The following CDH13 variants were observed in gnomAD, a reference collection of about 807,000 sequenced individuals.
The protein encoded by CDH13 is cadherin-13.
Under a neutral mutation model 63.8 loss-of-function variants are expected in CDH13, and 24 were observed. The observed-to-expected ratio is 0.38, with a 90% confidence interval of 0.27 to 0.53. The LOEUF is 0.53. Ranked by LOEUF, CDH13 falls within the 20% of genes least tolerant of loss-of-function variation. The pLI, the probability that CDH13 is intolerant of heterozygous loss-of-function variation, is 0.85. For synonymous variants in CDH13, 503 were observed against 355.3 expected (o/e 1.42, Z -4.67); for missense variants, 1,049 against 903.1 (o/e 1.16, Z -2.07).
intron 5 of CDH13, among the ~76,000 whole-genome samples, chr16:83,261,617 A>G (rs574627102): frequency 2.0e-5 from 3 of 152,102 alleles, no homozygotes; most frequent in African/African-American, 7.2e-5. Flanking sequence ...CATGACAAAG[A>G]AATTATCCAG....
At chr16:83,644,032 G>A (rs867139692) in intron 8 of CDH13, among the ~76,000 whole-genome samples, 7 of 152,202 alleles carry the variant, frequency 4.6e-5, no homozygotes, top group Non-Finnish European at 8.8e-5. Flanking sequence ...GCAGCTAGAA[G>A]CAGAGCCTAT....
chr16:83,026,625 C>A (rs902732576), intron 2 of CDH13, among the ~76,000 whole-genome samples: 1 of 151,758 alleles, frequency 6.6e-6, no homozygotes, highest in Non-Finnish European at 1.5e-5. Flanking sequence ...TTAAAAGAGC[C>A]CTTAGGGGAG....
chr16:83,706,093 A>C (rs1345342757), intron 10 of CDH13, among the ~76,000 whole-genome samples: 1 of 152,178 alleles, frequency 6.6e-6, no homozygotes, highest in East Asian at 1.9e-4. Flanking sequence ...CTGAGGCCTT[A>C]GCTGGAATCC....
intron 1 of CDH13, among the ~76,000 whole-genome samples, chr16:82,811,602 G>A (rs924629229): frequency 6.6e-6 from 1 of 152,122 alleles, no homozygotes; most frequent in Admixed American, 6.6e-5. Context: ...CATTGAAAGA[G>A]CCTCTGAACT....
chr16:83,302,521 C>T (rs1315535613), intron 5 of CDH13, among the ~76,000 whole-genome samples: 1 of 152,156 alleles, frequency 6.6e-6, no homozygotes, highest in Non-Finnish European at 1.5e-5. Context: ...TCATGAAAGT[C>T]ACAACATAAA....
At chr16:82,829,946 A>C (rs1567577978) in intron 1 of CDH13, among the ~76,000 whole-genome samples, 1 of 152,224 alleles carries the variant, frequency 6.6e-6, no homozygotes, top group Non-Finnish European at 1.5e-5. Flanking sequence ...TGTTAGGAAA[A>C]TAGTAATAAA....
intron 7 of CDH13, among the ~76,000 whole-genome samples, chr16:83,549,471 C>T (rs1486854381): frequency 2.6e-5 from 4 of 152,132 alleles, no homozygotes; most frequent in Admixed American, 6.5e-5. Flanking sequence ...CTCAGGCTGC[C>T]TGCTGCCGGT....
At chr16:83,540,191 A>C (rs1459846991) in intron 7 of CDH13, among the ~76,000 whole-genome samples, 1 of 151,330 alleles carries the variant, frequency 6.6e-6, no homozygotes, top group Admixed American at 6.6e-5. Flanking sequence ...CAGCCTCCCG[A>C]GTAGCTGGTG....
intron 1 of CDH13, among the ~76,000 whole-genome samples, chr16:82,843,367 A>T (rs529648607): frequency 5.8e-4 from 88 of 152,348 alleles, no homozygotes; most frequent in African/African-American, 2.1e-3. Flanking sequence ...CAGGATGGTC[A>T]AATGTTTGTA....
intron 11 of CDH13, among the ~76,000 whole-genome samples, chr16:83,761,999 A>G (rs538449022): frequency 6.6e-6 from 1 of 152,296 alleles, no homozygotes; most frequent in Non-Finnish European, 1.5e-5. Flanking sequence ...CCTGGGAGGC[A>G]GAGGTTGCAG....
At chr16:83,359,995 C>T (rs1183813574) in intron 6 of CDH13, among the ~76,000 whole-genome samples, 1 of 152,184 alleles carries the variant, frequency 6.6e-6, no homozygotes, top group African/African-American at 2.4e-5. Context: ...TATAAATTTG[C>T]CTTGCTGGGC....
chr16:83,393,245 C>G (rs908538860), intron 6 of CDH13, among the ~76,000 whole-genome samples: 1 of 152,042 alleles, frequency 6.6e-6, no homozygotes, highest in East Asian at 1.9e-4. Flanking sequence ...AGGCATTTGG[C>G]TCTGCACTGG....
intron 3 of CDH13, among the ~76,000 whole-genome samples, chr16:83,119,019 C>G (rs541262541): frequency 1.3e-5 from 2 of 152,270 alleles, no homozygotes; most frequent in Non-Finnish European, 2.9e-5. Flanking sequence ...TGCCAGAGTC[C>G]TCACTGTCCA....
chr16:82,801,010 T>C (rs991729259), intron 1 of CDH13, among the ~76,000 whole-genome samples: 1 of 152,246 alleles, frequency 6.6e-6, no homozygotes, highest in Admixed American at 6.5e-5. Context: ...CATTAAGTTC[T>C]TGTCTGTGAC....
At chr16:83,137,151 G>A (rs1004626987) in intron 4 of CDH13, among the ~76,000 whole-genome samples, 5 of 152,154 alleles carry the variant, frequency 3.3e-5, no homozygotes, top group African/African-American at 1.2e-4. Flanking sequence ...TGTTCACCCC[G>A]GGTTGCAGCT....
chr16:83,373,771 C>A (rs12597491), intron 6 of CDH13, among the ~76,000 whole-genome samples: 20,720 of 152,114 alleles, frequency 0.14, 2,072 homozygotes, highest in African/African-American at 0.28. Context: ...AATACTTCAC[C>A]TCCTTGAGAC....
At chr16:83,029,091 G>T (rs117204468) in intron 2 of CDH13, among the ~76,000 whole-genome samples, 4,670 of 152,284 alleles carry the variant, frequency 0.031, 96 homozygotes, top group Non-Finnish European at 0.044. Flanking sequence ...GATTAACTAA[G>T]GTGATGTGTG....
At chr16:83,549,490 G>A (rs2075450728) in intron 7 of CDH13, among the ~76,000 whole-genome samples, 1 of 152,298 alleles carries the variant, frequency 6.6e-6, no homozygotes, top group Middle Eastern at 3.4e-3. Context: ...GTTGCAGGCT[G>A]CCATATGCTT....
intron 5 of CDH13, among the ~76,000 whole-genome samples, chr16:83,236,874 T>G (rs2040160083): frequency 6.6e-6 from 1 of 152,244 alleles, no homozygotes. Flanking sequence ...GGAAATGTTT[T>G]GGAACTAGAC....
Sources: gnomAD v4.1 joint callset for allele counts (sites outside exome capture counted in the v4.1 genomes callset) on GRCh38, gnomAD v4.1.1 for gene constraint, MANE v1.5 for transcripts, NCBI Gene and HGNC (gene_info 2026-07-23, HGNC 2026-07-21) for gene names.